Variants in PRDM5 observed in about 807,000 individuals in gnomAD.
PRDM5 encodes the protein PR domain zinc finger protein 5.
Under a neutral mutation model 81.2 loss-of-function variants are expected in PRDM5, and 56 were observed. The observed-to-expected ratio is 0.69, with a 90% CI of 0.56 to 0.86. The LOEUF (loss-of-function observed/expected upper bound fraction) is 0.86, where lower values mean the gene tolerates loss of function less well. PRDM5 is among the 40% of genes least tolerant of loss of function. The probability of loss-of-function intolerance (pLI) is 0.00; values close to 1 mark genes in which losing one functional copy is unlikely to be tolerated. For missense variants in PRDM5, 697 were observed against 770.1 expected, an observed-to-expected ratio of 0.91 and a Z score of 1.12; for synonymous variants, 267 against 256.4, an observed-to-expected ratio of 1.04 and a Z score of -0.39.
chr4:120,755,486 T>C (rs1185053263), intron 13 of PRDM5, among the ~76,000 whole-genome samples: 1 of 152,210 alleles, frequency 6.6e-6, no homozygotes, highest in Non-Finnish European at 1.5e-5. Context: ...ATATTTTCCT[T>C]CAGCTAATGT....
At chr4:120,887,508 C>A (rs1579121044) in intron 2 of PRDM5, among the ~76,000 whole-genome samples, 1 of 152,188 alleles carries the variant, frequency 6.6e-6, no homozygotes, top group East Asian at 1.9e-4. Context: ...CTGCTCAAAT[C>A]CCTTAAATGA....
chr4:120,786,919 G>A (rs750688095), intron 10 of PRDM5, among the ~76,000 whole-genome samples: 3 of 152,124 alleles, frequency 2.0e-5, no homozygotes, highest in Non-Finnish European at 4.4e-5. Flanking sequence ...CCAGGTCTAC[G>A]CTATGCGTTT....
At chr4:120,703,621 T>C (rs1323871554) in intron 15 of PRDM5, among the ~76,000 whole-genome samples, 3 of 152,174 alleles carry the variant, frequency 2.0e-5, no homozygotes, top group Non-Finnish European at 2.9e-5. Context: ...TTTCACCATG[T>C]TCCAGGAGCC....
chr4:120,850,383 CTCTT>C, intron 3 of PRDM5, among the ~76,000 whole-genome samples: 1 of 152,232 alleles, frequency 6.6e-6, no homozygotes, highest in Middle Eastern at 3.4e-3. Context: ...AGGCTGAAAT[CTCTT>C]TCAGCCACGT....
chr4:120,834,504 G>A (rs539631208), intron 3 of PRDM5, among the ~76,000 whole-genome samples: 18 of 152,220 alleles, frequency 1.2e-4, no homozygotes, highest in African/African-American at 3.9e-4. Flanking sequence ...CTCCAGAACC[G>A]TGAGGAATAA....
At chr4:120,855,420 T>C (rs1035892975) in intron 2 of PRDM5, among the ~76,000 whole-genome samples, 2 of 152,190 alleles carry the variant, frequency 1.3e-5, no homozygotes, top group African/African-American at 4.8e-5. Context: ...AATAACAAAC[T>C]CTCACTGAAA....
chr4:120,857,380 A>T (rs1056292770), intron 2 of PRDM5, among the ~76,000 whole-genome samples: 1 of 152,174 alleles, frequency 6.6e-6, no homozygotes, highest in Admixed American at 6.5e-5. Flanking sequence ...AAAATAAAGT[A>T]GGAAAGGGAA....
intron 2 of PRDM5, among the ~76,000 whole-genome samples, chr4:120,887,394 A>G (rs1763556118): frequency 2.0e-5 from 3 of 152,146 alleles, no homozygotes; most frequent in Admixed American, 2.0e-4. Flanking sequence ...CTACAGCAAC[A>G]GACATCTAGG....
At chr4:120,737,038 G>A (rs553137760) in intron 14 of PRDM5, among the ~76,000 whole-genome samples, 1 of 152,284 alleles carries the variant, frequency 6.6e-6, no homozygotes, top group South Asian at 2.1e-4. Flanking sequence ...TGAGCTTGAA[G>A]AATTGTACAT....
At chr4:120,755,445 C>A (rs1353039118) in intron 13 of PRDM5, among the ~76,000 whole-genome samples, 1 of 152,144 alleles carries the variant, frequency 6.6e-6, no homozygotes, top group Non-Finnish European at 1.5e-5. Context: ...GATGCTAGAC[C>A]CTGGCTGCAA....
intron 14 of PRDM5, among the ~76,000 whole-genome samples, chr4:120,736,549 G>A (rs1462387075): frequency 6.6e-6 from 1 of 152,126 alleles, no homozygotes; most frequent in Non-Finnish European, 1.5e-5. Context: ...GCCCAAACAT[G>A]TTTATCCAGC....
intron 2 of PRDM5, among the ~76,000 whole-genome samples, chr4:120,884,452 TA>T (rs963568571): frequency 2.0e-5 from 3 of 152,104 alleles, no homozygotes; most frequent in Non-Finnish European, 4.4e-5. Context: ...TTCCTACAAC[TA>T]AAAACACTTT....
rs1021327645 is a variant in PRDM5, at chr4:120,781,416, A to C, written c.1283-113T>G. Reference sequence around the variant, plus strand: ...AAATGTTGGCTTTGTAGCTCTAAGAATGTTAACTTTTTATTTTTTACAACA... The same window carrying C: ...AAATGTTGGCTTTGTAGCTCTAAGACTGTTAACTTTTTATTTTTTACAACA... On this transcript the variant is annotated intron_variant, in intron 11 of 15. Transcript: ENST00000264808. The C allele has an allele frequency of 9.7e-6, 9 of 924,832 alleles. No individual in the cohort carries two copies. The African/African-American group carries it at 1.3e-4, about 14-fold the overall frequency. 57.3% of individuals were successfully genotyped at this position (924,832 alleles called of 1,614,324 possible).
chr4:120,747,825 A>T (rs185360121), intron 14 of PRDM5, among the ~76,000 whole-genome samples: 1 of 152,380 alleles, frequency 6.6e-6, no homozygotes, highest in Admixed American at 6.5e-5. Flanking sequence ...GAGAACTGCG[A>T]TCTTAGAAAC....
chr4:120,801,479 G>A (rs1332128186), intron 8 of PRDM5, among the ~76,000 whole-genome samples: 1 of 152,230 alleles, frequency 6.6e-6, no homozygotes, highest in African/African-American at 2.4e-5. Flanking sequence ...CTTCTGTCAG[G>A]TCTGACTCTT....
chr4:120,763,689 C>T (rs1217386750), intron 13 of PRDM5, among the ~76,000 whole-genome samples: 2 of 152,162 alleles, frequency 1.3e-5, no homozygotes, highest in Non-Finnish European at 1.5e-5. Context: ...AATTATTAAT[C>T]ATTTCACCCA....
chr4:120,779,047 TA>T (rs1748610636), intron 12 of PRDM5, among the ~76,000 whole-genome samples: 1 of 152,174 alleles, frequency 6.6e-6, no homozygotes, highest in African/African-American at 2.4e-5. Context: ...AATTTATTTA[TA>T]AAATCACAGC....
At chr4:120,805,548 T>A (rs1015468783) in intron 8 of PRDM5, among the ~76,000 whole-genome samples, 5 of 152,090 alleles carry the variant, frequency 3.3e-5, no homozygotes, top group Non-Finnish European at 5.9e-5. Flanking sequence ...TGGTTCAACA[T>A]ACACAAATCA....
chr4:120,922,717 A>C lies in PRDM5; in HGVS notation c.-109T>G. The C allele has an allele frequency of 7.0e-7, 1 of 1,434,080 alleles. No individual in the cohort carries two copies. Among genetic ancestry groups the C allele is most frequent in the South Asian group, 1.2e-5 (1 of 81,390 alleles). The allele number at this position is 1,434,080 out of a possible 1,614,324, so 88.8% of individuals were successfully genotyped here. On this transcript the variant is annotated 5_prime_UTR_variant, in exon 1 of 16. Coordinates refer to ENST00000264808, the MANE Select transcript of PRDM5 (RefSeq NM_018699.4). ...GGTAGAGGGGAGAAACCGGCAGGGA[A>C]GGAGGAAATGGAGTTTTCCTCCCAG...
Sources: allele counts gnomAD v4.1 joint callset (sites outside exome capture counted in the v4.1 genomes callset), GRCh38; gene constraint gnomAD v4.1.1; transcripts MANE v1.5; gene names NCBI Gene and HGNC (gene_info 2026-07-23, HGNC 2026-07-21).